Variants in BBS2 observed in about 807,000 individuals in gnomAD.
BBS2 encodes Bardet-Biedl syndrome 2, also known as BBSome complex member BBS2.
A neutral mutation model predicts 83.0 loss-of-function variants in BBS2; 62 were observed. The ratio of observed to expected loss-of-function variants is 0.75; its 90% CI spans 0.61 to 0.92. BBS2 has a LOEUF of 0.92. Ranked by LOEUF, BBS2 falls within the 40% of genes least tolerant of loss-of-function variation. The probability of loss-of-function intolerance (pLI) is 0.00; values close to 1 mark genes in which losing one functional copy is unlikely to be tolerated. For synonymous variants in BBS2, 303 were observed against 326.1 expected, an observed-to-expected ratio of 0.93 and a Z score of 0.76; for missense variants, 784 against 901.0, an observed-to-expected ratio of 0.87 and a Z score of 1.66.
downstream of BBS2, among the ~76,000 whole-genome samples, chr16:56,482,222 T>C (rs557661641): frequency 2.4e-4 from 36 of 152,288 alleles, no homozygotes; most frequent in African/African-American, 8.4e-4. Flanking sequence ...AATTAGACTA[T>C]GGTTAAAACA....
At chr16:56,481,957 A>T (rs774861436), downstream of BBS2, among the ~76,000 whole-genome samples, 1 of 152,214 alleles carries the variant, frequency 6.6e-6, no homozygotes, top group Non-Finnish European at 1.5e-5. Flanking sequence ...CTCATCTGTG[A>T]AACAGACACC....
At chr16:56,508,243 A>G (rs1964478151) in intron 5 of BBS2, among the ~76,000 whole-genome samples, 1 of 152,222 alleles carries the variant, frequency 6.6e-6, no homozygotes, top group Non-Finnish European at 1.5e-5. Flanking sequence ...AAGAAGTCTG[A>G]CCTTCTTAGG....
At chr16:56,486,380 A>G (rs1483963973) in intron 15 of BBS2, among the ~76,000 whole-genome samples, 1 of 152,244 alleles carries the variant, frequency 6.6e-6, no homozygotes, top group Non-Finnish European at 1.5e-5. Context: ...ATGAAAACCT[A>G]TGTCTATAAA....
chr16:56,476,486 T>A (rs1963483238), intron 17 of BBS2: 1 of 242,796 alleles, frequency 4.1e-6, no homozygotes, highest in Admixed American at 5.4e-5. Flanking sequence ...TTAAGTTCAA[T>A]TTGTTTTTAT....
At chr16:56,496,363 T>C (rs991117340) in intron 15 of BBS2, among the ~76,000 whole-genome samples, 27 of 152,238 alleles carry the variant, frequency 1.8e-4, no homozygotes, top group African/African-American at 6.3e-4. Context: ...TTTCCCAATG[T>C]GTTTTTTCTG....
At chr16:56,487,034 G>A (rs1458135240) in intron 15 of BBS2, among the ~76,000 whole-genome samples, 2 of 152,030 alleles carry the variant, frequency 1.3e-5, no homozygotes, top group Non-Finnish European at 2.9e-5. Context: ...AAAATGCTGG[G>A]ATTACAAGTG....
rs541766778 is a variant in BBS2 at position 56,514,437 on chromosome 16, T to C, written c.345+16A>G. On this transcript the variant is annotated intron_variant, in intron 2 of 16. Transcript: ENST00000245157. ...ATGAGTAATGACAATTTTATGGTTA[T>C]AAAGGTTATACTTGCCTCTCTGTAG... The C allele has an allele frequency of 1.2e-6, 2 of 1,605,792 alleles. No individual in the cohort carries two copies. Among genetic ancestry groups the C allele is most frequent in the South Asian group, 1.1e-5 (1 of 90,802 alleles).
At chr16:56,504,591 T>G (rs1351673389) in intron 7 of BBS2, among the ~76,000 whole-genome samples, 7 of 152,222 alleles carry the variant, frequency 4.6e-5, no homozygotes, top group Admixed American at 4.6e-4. Flanking sequence ...AATCGGTTTT[T>G]CCACTTATAT....
chr16:56,487,427 A>G (rs1001623237), intron 15 of BBS2, among the ~76,000 whole-genome samples: 2 of 152,234 alleles, frequency 1.3e-5, no homozygotes, highest in South Asian at 4.1e-4. Context: ...CAGTGTTCAT[A>G]TGTACAAACA....
rs561850354 is a variant in BBS2, at chr16:56,514,797, C to G, written c.118-117G>C. ...CACATTAACAAGAGGTCACTTTAAT[C>G]TCCTATGAAACTTAAAACACTCGTA... On this transcript the variant is annotated intron_variant, in intron 1 of 16. Coordinates refer to ENST00000245157, the MANE Select transcript of BBS2 (RefSeq NM_031885.5). 6.5e-4 allele frequency: 498 copies of G among 763,078 alleles called. 3 individuals carry two copies. The African/African-American group carries it at 8.3e-3, about 13-fold the overall frequency. The allele number at this position is 763,078 out of a possible 1,614,324, so 47.3% of individuals were successfully genotyped here. A position where few individuals can be genotyped will look rare whatever the true frequency, so the allele number is the denominator to read the frequency against.
Position 56,498,587 on chromosome 16 carries a change from G to A in BBS2, c.1528-19C>T. ...CAACAACCTTGAAAATGAACACAAT[G>A]AAATGACCTCCATTTTTAAGGTACA... On this transcript the variant is annotated intron_variant, in intron 12 of 16. Coordinates refer to ENST00000245157, the MANE Select transcript of BBS2 (RefSeq NM_031885.5). 2 of 1,613,436 alleles carry A rather than the reference G, an allele frequency of 1.2e-6. No individual in the cohort carries two copies. Among genetic ancestry groups the A allele is most frequent in the Non-Finnish European group, 1.7e-6 (2 of 1,179,880 alleles).
At chr16:56,515,324 C>T (rs1186810699) in intron 1 of BBS2, among the ~76,000 whole-genome samples, 2 of 152,096 alleles carry the variant, frequency 1.3e-5, no homozygotes, top group Non-Finnish European at 2.9e-5. Context: ...CTAGACTTCA[C>T]CTGTAAAAAG....
intron 11 of BBS2, chr16:56,500,632 A>G (rs1964242940): frequency 1.9e-6 from 1 of 521,022 alleles, no homozygotes. Context: ...CTCAAAAAAA[A>G]AAAAAAAAAA....
chr16:56,484,639 C>G lies in BBS2; in HGVS notation c.*122G>C, dbSNP rs1449851246. ...AGTTCTTTGTCTTTAATTTGTACAA[C>G]TCACCAAGGTTATTTTCATTCTTAG... On this transcript the variant is annotated 3_prime_UTR_variant, in exon 17 of 17. Transcript: ENST00000245157. The G allele has an allele frequency of 1.3e-6, 1 of 779,866 alleles. No individual in the cohort carries two copies. The highest frequency in any genetic ancestry group is 2.8e-5 in the East Asian group (1 of 36,166). 48.3% of individuals were successfully genotyped at this position (779,866 alleles called of 1,614,324 possible).
At chr16:56,508,876 T>G (rs1434268951) in intron 5 of BBS2, among the ~76,000 whole-genome samples, 3 of 152,094 alleles carry the variant, frequency 2.0e-5, no homozygotes, top group Admixed American at 6.5e-5. Flanking sequence ...CTCAAACTCC[T>G]GGCCTCAAGT....
chr16:56,485,863 G>A (rs369189336), intron 15 of BBS2, 125 bp from the exon 16 acceptor site: 15 of 821,928 alleles, frequency 1.8e-5, no homozygotes, highest in South Asian at 3.0e-5. Context: ...CATTAAAATC[G>A]AGTAACTGCT....
intron 15 of BBS2, among the ~76,000 whole-genome samples, chr16:56,491,742 A>AC (rs1567568556): frequency 1.3e-5 from 2 of 151,362 alleles, no homozygotes; most frequent in African/African-American, 4.8e-5. Flanking sequence ...AAAAAAAAAA[A>AC]AAAACACTAG....
chr16:56,477,394 A>G (rs1596996423), intron 17 of BBS2: 1 of 152,252 alleles, frequency 6.6e-6, no homozygotes, highest in Non-Finnish European at 1.5e-5. Flanking sequence ...TGGTTGGTAA[A>G]GAAGATAGGC....
intron 1 of BBS2, among the ~76,000 whole-genome samples, chr16:56,519,186 C>T (rs765210838): frequency 1.3e-5 from 2 of 151,826 alleles, no homozygotes; most frequent in Non-Finnish European, 2.9e-5. Flanking sequence ...CAAAAATTAG[C>T]CAGGCGTGGT....
Sources: gnomAD v4.1 joint callset for allele counts (sites outside exome capture counted in the v4.1 genomes callset) on GRCh38, gnomAD v4.1.1 for gene constraint, MANE v1.5 for transcripts, NCBI Gene and HGNC (gene_info 2026-07-23, HGNC 2026-07-21) for gene names.